ICA1: variants seen among roughly 807,000 people sequenced by gnomAD.
The protein encoded by ICA1 is 69 kDa islet cell autoantigen.
In ICA1, 40 loss-of-function variants were observed where a neutral mutation model predicts 71.0. That is an observed-to-expected ratio of 0.56 (90% CI 0.44 to 0.73). ICA1 has a LOEUF of 0.73. ICA1 is among the 30% of genes least tolerant of loss of function. The probability of loss-of-function intolerance (pLI) is 0.00; values close to 1 mark genes in which losing one functional copy is unlikely to be tolerated. For synonymous variants in ICA1, 207 were observed against 209.5 expected (o/e 0.99, Z 0.10); for missense variants, 578 against 576.5 (o/e 1.00, Z -0.03).
intron 8 of ICA1, among the ~76,000 whole-genome samples, chr7:8,152,562 A>ACCACCACCACCACCATCTCCT (rs1799242964): frequency 3.6e-5 from 1 of 27,402 alleles, no homozygotes; most frequent in African/African-American, 9.8e-5. Context: ...CTCCACCACC[A>ACCACCACCACCACCATCTCCT]CCACCACCAC....
chr7:8,159,958 C>T (rs1803137802), intron 6 of ICA1, among the ~76,000 whole-genome samples: 1 of 151,970 alleles, frequency 6.6e-6, no homozygotes, highest in Non-Finnish European at 1.5e-5. Context: ...AGATAGGTTA[C>T]TGAGAGTTGG....
At chr7:8,145,019 C>G (rs1796408128) in intron 8 of ICA1, among the ~76,000 whole-genome samples, 1 of 152,132 alleles carries the variant, frequency 6.6e-6, no homozygotes, top group African/African-American at 2.4e-5. Context: ...CAGAGCAGAC[C>G]TGTGATTGAT....
rs114797147 is a variant in ICA1 at position 8,162,053 on chromosome 7, T to G, written c.580-3401A>C. 2.8e-3 allele frequency among the ~76,000 whole-genome samples: 433 copies of G among 152,330 alleles called. 1 individual carries two copies. The highest frequency in any genetic ancestry group is 0.01 in the African/African-American group (424 of 41,566). On this transcript the variant is annotated intron_variant, in intron 6 of 13. Transcript: ENST00000402384. ...GGCCTACTTATATGGAACCTCTAGA[T>G]TTTCTAACGAAATGCGAATTAACTT...
At chr7:8,146,884 A>G (rs145949469) in intron 8 of ICA1, among the ~76,000 whole-genome samples, 23,527 of 113,604 alleles carry the variant, frequency 0.21, 2,134 homozygotes, top group Non-Finnish European at 0.27. Context: ...ACACACACGC[A>G]CACACACACA....
At chr7:8,115,101 G>C (rs2127989365) in intron 13 of ICA1, 1 of 152,332 alleles carries the variant, frequency 6.6e-6, no homozygotes, top group South Asian at 2.1e-4. Context: ...CTAAGATAGT[G>C]TACCGATCAC....
chr7:8,183,481 A>G (rs889947204), intron 6 of ICA1, among the ~76,000 whole-genome samples: 1 of 152,192 alleles, frequency 6.6e-6, no homozygotes, highest in African/African-American at 2.4e-5. Flanking sequence ...TACTTTGGGG[A>G]CAATTATATG....
intron 1 of ICA1, among the ~76,000 whole-genome samples, chr7:8,255,982 C>T (rs1402052631): frequency 6.6e-6 from 1 of 151,504 alleles, no homozygotes; most frequent in Admixed American, 6.6e-5. Context: ...ACTATGTTGC[C>T]CAGGCTGGTC....
chr7:8,150,903 GCA>G (rs1798568768), intron 8 of ICA1, among the ~76,000 whole-genome samples: 1 of 152,230 alleles, frequency 6.6e-6, no homozygotes, highest in Non-Finnish European at 1.5e-5. Flanking sequence ...GAAGGCAGGA[GCA>G]TCCCAATTCC....
chr7:8,179,579 G>A (rs1326084448), intron 6 of ICA1, among the ~76,000 whole-genome samples: 1 of 152,164 alleles, frequency 6.6e-6, no homozygotes. Context: ...GCTAAATGTG[G>A]TGGGATGAAT....
chr7:8,187,863 CCATTGTTATCTTATGGGACCACCAT>C (rs1208989085), intron 6 of ICA1, among the ~76,000 whole-genome samples: 1 of 152,162 alleles, frequency 6.6e-6, no homozygotes, highest in African/African-American at 2.4e-5. Flanking sequence ...ATTGTCAGCC[CCATTGTTATCTTATGGGACCACCAT>C]CATAAAATGT....
At chr7:8,114,078 C>G (rs929094294) in intron 13 of ICA1, 34 bp from the exon 14 acceptor site, 9 of 1,613,700 alleles carry the variant, frequency 5.6e-6, no homozygotes, top group Middle Eastern at 1.7e-4. Flanking sequence ...AGCAAACGCA[C>G]CTTCCAAATG....
chr7:8,187,398 A>T (rs1037964734), intron 6 of ICA1, among the ~76,000 whole-genome samples: 1 of 152,218 alleles, frequency 6.6e-6, no homozygotes, highest in East Asian at 1.9e-4. Flanking sequence ...ATAAAAGATA[A>T]AAATGATAAA....
chr7:8,247,452 C>A (rs1806466152), intron 1 of ICA1, among the ~76,000 whole-genome samples: 2 of 151,680 alleles, frequency 1.3e-5, no homozygotes, highest in Admixed American at 1.3e-4. Flanking sequence ...AGAGTGAGAT[C>A]CTGTATCAAA....
At chr7:8,249,349 A>C (rs1041897803) in intron 1 of ICA1, among the ~76,000 whole-genome samples, 2 of 152,246 alleles carry the variant, frequency 1.3e-5, no homozygotes, top group African/African-American at 4.8e-5. Flanking sequence ...CCACAGCAGA[A>C]CTGCCAGTGG....
chr7:8,204,318 T>G (rs148097902), intron 6 of ICA1, among the ~76,000 whole-genome samples: 2 of 152,342 alleles, frequency 1.3e-5, no homozygotes, highest in African/African-American at 2.4e-5. Flanking sequence ...GTCAGAGGCT[T>G]GGGTTCAAAT....
chr7:8,116,466 T>G (rs146044244), intron 13 of ICA1: 1 of 152,176 alleles, frequency 6.6e-6, no homozygotes, highest in Admixed American at 6.5e-5. Context: ...TTTGAGGAGA[T>G]AGGAGATATG....
chr7:8,196,594 G>A (rs1227365243), intron 6 of ICA1, among the ~76,000 whole-genome samples: 1 of 152,174 alleles, frequency 6.6e-6, no homozygotes, highest in Non-Finnish European at 1.5e-5. Flanking sequence ...GAGGCTGTGT[G>A]TATGCACTGG....
At chr7:8,211,397 G>A (rs941079846) in intron 6 of ICA1, among the ~76,000 whole-genome samples, 1 of 152,150 alleles carries the variant, frequency 6.6e-6, no homozygotes, top group African/African-American at 2.4e-5. Context: ...GAGGCTTAGC[G>A]TGGTTAATGC....
At chr7:8,260,823 T>C (rs766845669) in intron 1 of ICA1, among the ~76,000 whole-genome samples, 1 of 152,224 alleles carries the variant, frequency 6.6e-6, no homozygotes, top group Non-Finnish European at 1.5e-5. Flanking sequence ...TGAAATTGCA[T>C]CGGGAGCCTA....
Sources: allele counts gnomAD v4.1 joint callset (sites outside exome capture counted in the v4.1 genomes callset), GRCh38; gene constraint gnomAD v4.1.1; transcripts MANE v1.5; gene names NCBI Gene and HGNC (gene_info 2026-07-23, HGNC 2026-07-21).